Variants in EP400 observed in about 807,000 individuals in gnomAD.
EP400 encodes E1A-binding protein p400.
EP400 carries 105 observed loss-of-function variants against 354.1 expected under a neutral mutation model. That is an observed-to-expected ratio of 0.30 (90% CI 0.25 to 0.35). The LOEUF (loss-of-function observed/expected upper bound fraction) is 0.35, where lower values mean the gene tolerates loss of function less well. EP400 is among the 10% of genes least tolerant of loss of function. The pLI, the probability that EP400 is intolerant of heterozygous loss-of-function variation, is 1.00. For missense variants in EP400, 3,280 were observed against 4,121.0 expected (o/e 0.80, Z 5.59); for synonymous variants, 1,646 against 1,716.9 (o/e 0.96, Z 1.02).
chr12:131,962,122 T>C (rs1043598563), intron 2 of EP400, among the ~76,000 whole-genome samples, 168 bp downstream of exon 2: 1 of 152,188 alleles, frequency 6.6e-6, no homozygotes, highest in Non-Finnish European at 1.5e-5. Context: ...GTGTTTGGCC[T>C]CCTTCATGGG....
intron 15 of EP400, among the ~76,000 whole-genome samples, chr12:132,007,737 G>A (rs772582633): frequency 6.6e-6 from 1 of 152,214 alleles, no homozygotes; most frequent in African/African-American, 2.4e-5. Context: ...GAGAAGAGGG[G>A]ATTTGGCCTT....
rs567928984 is a variant in EP400, at chr12:132,075,272, C to G, written c.9022-1244C>G. On this transcript the variant is annotated intron_variant, in intron 51 of 52. Coordinates refer to ENST00000389561, the MANE Select transcript of EP400 (RefSeq NM_015409.5). This position sits in a 1 kb window ranked among gnomAD's most constrained non-coding sequence, Gnocchi z 4.5. ...ATACCTGGTGTCTGGTCAGCTGTGT[C>G]CTGTGCGACCCTGGAGATCACGGGG... Among the ~76,000 whole-genome samples, 1 of 151,698 alleles carries G rather than the reference C, an allele frequency of 6.6e-6. No individual in the cohort carries two copies. The highest frequency in any genetic ancestry group is 1.5e-5 in the Non-Finnish European group (1 of 67,964).
rs1894449588 is a variant in EP400, at chr12:132,030,395, A to G, written c.5754+237A>G. On this transcript the variant is annotated intron_variant, in intron 29 of 52. Transcript: ENST00000389561. Reference sequence around the variant, plus strand: ...TAAATGCCGGTGACCTGCAATCATCATTAAGACGATACTGGCGTACTTCAA... The same window carrying G: ...TAAATGCCGGTGACCTGCAATCATCGTTAAGACGATACTGGCGTACTTCAA... Among the ~76,000 whole-genome samples, 5 of 152,252 alleles carry G rather than the reference A, an allele frequency of 3.3e-5. No homozygotes were observed. The South Asian group carries it at 1.0e-3, about 31-fold the overall frequency.
At position 132,054,117 on chromosome 12, in the gene EP400, G is replaced by A. The variant is rs959680553; in HGVS notation, c.7728+520G>A. Among the ~76,000 whole-genome samples, 1 of 152,208 alleles carries A rather than the reference G, an allele frequency of 6.6e-6. No homozygotes were observed. The highest frequency in any genetic ancestry group is 2.4e-5 in the African/African-American group (1 of 41,444). ...TGCGGACTGTGGCCATGCACACCAC[G>A]CTCTGGTGTATCTCTGTACTGTGTG... On this transcript the variant is annotated intron_variant, in intron 43 of 52. Transcript: ENST00000389561. This position sits in a 1 kb window ranked among gnomAD's most constrained non-coding sequence, Gnocchi z 4.0.
chr12:132,053,370 C>T lies in EP400; in HGVS notation c.7501C>T (p.Gln2501Ter). ...TCTGGCTGATCAGCAGAAGGCACAG[C>T]AGCCGGCCGTGGCCCAGCCACCCCC... Reference protein sequence around the residue: ...KALADQQKAQQPAVAQPPPPQ... With the variant: ...KALADQQKAQ Residue 2501 changes from glutamine (Q) to a stop codon, truncating the protein, a stop_gained, in exon 43 of 53, where the codon CAG becomes TAG. Coordinates refer to ENST00000389561, the MANE Select transcript of EP400 (RefSeq NM_015409.5). LOFTEE classifies it high-confidence loss of function. 1 of 1,572,836 alleles carries T rather than the reference C, an allele frequency of 6.4e-7. No homozygotes were observed. Among genetic ancestry groups the T allele is most frequent in the Non-Finnish European group, 8.6e-7 (1 of 1,167,946 alleles).
chr12:131,958,806 C>T (rs1317767240), intron 1 of EP400, among the ~76,000 whole-genome samples: 5 of 152,176 alleles, frequency 3.3e-5, no homozygotes, highest in Admixed American at 6.5e-5. Context: ...CAGGTGTGAG[C>T]CACCATGCCT....
In EP400 at chr12:131,982,099, T is replaced by A; in HGVS notation, c.1550T>A (p.Met517Lys). 2.7e-6 allele frequency: 4 copies of A among 1,508,802 alleles called. No individual in the cohort carries two copies. The highest frequency in any genetic ancestry group is 3.5e-6 in the Non-Finnish European group (4 of 1,132,738). The allele number at this position is 1,508,802 out of a possible 1,614,324, so 93.5% of individuals were successfully genotyped here. A position where few individuals can be genotyped will look rare whatever the true frequency, so the allele number is the denominator to read the frequency against. Reference protein sequence around the residue: ...QQLMPTAQGGMPPTPQAAQLA... With the variant: ...QQLMPTAQGGKPPTPQAAQLA... Reference sequence around the variant, plus strand: ...CACTTTTCTTATTTTGCAGGAGGAATGCCCCCCACGCCGCAGGCCGCGCAG... The same window carrying A: ...CACTTTTCTTATTTTGCAGGAGGAAAGCCCCCCACGCCGCAGGCCGCGCAG... The change falls in exon 5 of 53, where the codon ATG becomes AAG. Residue 517 changes from methionine to lysine, a missense_variant. By Grantham distance (95) the Met-to-Lys change is moderately conservative. This residue lies in a region of EP400 where 800 missense variants were observed against 840.0 expected (regional missense o/e 0.95). Transcript: ENST00000389561.
At chr12:132,037,302 C>G (rs1049571961) in intron 30 of EP400, among the ~76,000 whole-genome samples, 8 of 152,306 alleles carry the variant, frequency 5.3e-5, no homozygotes, top group Non-Finnish European at 1.0e-4. Context: ...ACAAGCCAGT[C>G]TGTGAAGTGA....
rs776442573 is a variant in EP400 at position 131,987,866 on chromosome 12, G to A, written c.2385G>A (p.Arg795=). The A allele has an allele frequency of 2.5e-5, 40 of 1,610,998 alleles. No individual in the cohort carries two copies. Among genetic ancestry groups the A allele is most frequent in the Non-Finnish European group, 3.1e-5 (36 of 1,178,480 alleles). ...CCACAGACTTTGCCCAGGAGAGGAG[G>A]TGGAAGGTGGCTGCTGCGAAGAAGG... ...WMATDFAQER[R]WKVAAAKKLV... The change falls in exon 7 of 53, where the codon AGG becomes AGA. Residue 795 remains arginine (R), a synonymous_variant. Transcript: ENST00000389561.
intron 5 of EP400, among the ~76,000 whole-genome samples, chr12:131,985,178 G>A (rs962254615): frequency 6.6e-6 from 1 of 152,184 alleles, no homozygotes; most frequent in South Asian, 2.1e-4. Flanking sequence ...TTAAAGAAGC[G>A]CTTTACAAAG....
In EP400 at chr12:132,017,200, C is replaced by G. The variant is rs1233971920; in HGVS notation, c.3924-335C>G. On this transcript the variant is annotated intron_variant, in intron 19 of 52. Coordinates refer to ENST00000389561, the MANE Select transcript of EP400 (RefSeq NM_015409.5). This position sits in a 1 kb window ranked among gnomAD's most constrained non-coding sequence, Gnocchi z 5.0. ...GAGCGGGTGTGTGAGGGGCTTTACT[C>G]TGCTGCGCTCACCCTGCCCCTCACT... 1.3e-5 allele frequency among the ~76,000 whole-genome samples: 2 copies of G among 152,260 alleles called. No individual in the cohort carries two copies. The highest frequency in any genetic ancestry group is 1.9e-4 in the East Asian group (1 of 5,196).
intron 48 of EP400, chr12:132,065,475 A>G (rs1173999831): frequency 1.3e-5 from 2 of 154,568 alleles, no homozygotes; most frequent in Non-Finnish European, 2.9e-5. Flanking sequence ...CCTGAGCTAG[A>G]CTTTGCCCTT....
chr12:131,979,973 T>C (rs970045145), intron 3 of EP400, among the ~76,000 whole-genome samples, 180 bp downstream of exon 3: 1 of 152,260 alleles, frequency 6.6e-6, no homozygotes, highest in East Asian at 1.9e-4. Context: ...TTCTGTGTCC[T>C]GAAGTGAGGA....
In EP400 at chr12:131,960,707, GCCCACCCCAA is replaced by G; in HGVS notation, c.97_106del (p.Asn33ArgfsTer26). ...TGGCAGCGAGGGTGAGGAGCAGCCG[GCCCACCCCAA>G]CCCACCCCCGTCCCCCGCAGCTCCC... On this transcript the variant is annotated frameshift_variant, in exon 2 of 53. Coordinates refer to ENST00000389561, the MANE Select transcript of EP400 (RefSeq NM_015409.5). LOFTEE classifies it high-confidence loss of function. 1 of 1,545,588 alleles carries G rather than the reference GCCCACCCCAA, an allele frequency of 6.5e-7. No individual in the cohort carries two copies.
chr12:132,073,919 G>GTTTTTTTTT (rs34186152), intron 51 of EP400, among the ~76,000 whole-genome samples: 4 of 82,124 alleles, frequency 4.9e-5, no homozygotes, highest in African/African-American at 1.7e-4. Context: ...GTTTTTTGGG[G>GTTTTTTTTT]TTTTTTTTTT....
chr12:132,049,236 G>C (rs564882468), intron 39 of EP400, among the ~76,000 whole-genome samples: 4 of 152,214 alleles, frequency 2.6e-5, no homozygotes, highest in African/African-American at 9.7e-5. Flanking sequence ...CCAGACACAC[G>C]GTCTTTCCAT....
chr12:131,996,188 C>A (rs921880220), intron 12 of EP400, among the ~76,000 whole-genome samples: 1 of 152,136 alleles, frequency 6.6e-6, no homozygotes, highest in Non-Finnish European at 1.5e-5. Flanking sequence ...TGAGCATTCT[C>A]CTATTCCCCA....
rs912433171 is a variant in EP400, at chr12:132,067,846, C to T, written c.8874+360C>T. ...AGGGAAGCAGACGCAGCTCACACCA[C>T]AGGACCCGCCTGGACTCCTGCTGGA... On this transcript the variant is annotated intron_variant, in intron 50 of 52. Coordinates refer to ENST00000389561, the MANE Select transcript of EP400 (RefSeq NM_015409.5). This position sits in a 1 kb window ranked among gnomAD's most constrained non-coding sequence, Gnocchi z 5.3. Among the ~76,000 whole-genome samples, 2 of 152,112 alleles carry T rather than the reference C, an allele frequency of 1.3e-5. No homozygotes were observed. Among genetic ancestry groups the T allele is most frequent in the African/African-American group, 4.8e-5 (2 of 41,424 alleles).
intron 2 of EP400, among the ~76,000 whole-genome samples, chr12:131,973,569 G>A (rs558680290): frequency 2.6e-5 from 4 of 152,300 alleles, no homozygotes; most frequent in Non-Finnish European, 5.9e-5. Context: ...CTTGAACCCA[G>A]GAGGCAGAGG....
Sources: gnomAD v4.1 joint callset for allele counts (sites outside exome capture counted in the v4.1 genomes callset) on GRCh38, gnomAD v4.1.1 for gene constraint, gnomAD v4.1.1 regional missense constraint, Gnocchi (gnomAD v3.1) non-coding constraint, MANE v1.5 for transcripts, NCBI Gene and HGNC (gene_info 2026-07-23, HGNC 2026-07-21) for gene names.